The following SBK1 variants were observed in gnomAD, a reference collection of about 807,000 sequenced individuals.
The protein encoded by SBK1 is SH3 domain binding kinase 1.
A neutral mutation model predicts 24.4 loss-of-function variants in SBK1; 11 were observed. The observed-to-expected ratio is 0.45, with a 90% confidence interval of 0.28 to 0.75. SBK1 has a LOEUF of 0.75. Among genes scored for constraint, SBK1 ranks in the 30% least tolerant of loss-of-function variants. The pLI is 0.12. For missense variants in SBK1, 467 were observed against 620.5 expected, an observed-to-expected ratio of 0.75 and a Z score of 2.63; for synonymous variants, 308 against 284.4, an observed-to-expected ratio of 1.08 and a Z score of -0.83.
At chr16:28,260,461 C>T (rs1045155451) in intron 1 of SBK1, among the ~76,000 whole-genome samples, 1 of 152,238 alleles carries the variant, frequency 6.6e-6, no homozygotes, top group South Asian at 2.1e-4. Context: ...GTCAGCACTA[C>T]CCTGCCCTGG....
Position 28,320,543 on chromosome 16 carries a change from G to T in SBK1, c.897G>T (p.Glu299Asp), listed in dbSNP as rs774808016. 5 of 1,558,230 alleles carry T rather than the reference G, an allele frequency of 3.2e-6. No homozygotes were observed. Among genetic ancestry groups the T allele is most frequent in the East Asian group, 4.8e-5 (2 of 41,436 alleles). The change falls in exon 4 of 4, where the codon GAG (glutamate) becomes GAT (aspartate). Residue 299 changes from glutamate to aspartate, a missense_variant. Coordinates refer to ENST00000341901, the MANE Select transcript of SBK1 (RefSeq NM_001024401.3). This position sits in a 1 kb window ranked among gnomAD's most constrained non-coding sequence, Gnocchi z 8.5. ...TGTTCCAGCGCTTACTGGCCCTGGA[G>T]CCCGAGCGCCGCGGCCCAGCCAAGG... Reference protein sequence around the residue: ...LRMFQRLLALEPERRGPAKEV... With the variant: ...LRMFQRLLALDPERRGPAKEV...
chr16:28,291,531 AAG>A (rs1446834136), upstream of SBK1: 3 of 150,910 alleles, frequency 2.0e-5, no homozygotes, highest in Non-Finnish European at 4.4e-5. Context: ...AAGAATGAAA[AAG>A]AAATGCTTTT....
Position 28,292,530 on chromosome 16 carries a change from C to A in SBK1, c.-778C>A, listed in dbSNP as rs1482574379. On this transcript the variant is annotated 5_prime_UTR_variant, in exon 1 of 4. Coordinates refer to ENST00000341901, the MANE Select transcript of SBK1 (RefSeq NM_001024401.3). Reference sequence around the variant, plus strand: ...TGGCTGGAGGGCGGAGCCGCGATGCCGCGATGGAGCGCAGCCCGGGCGGGC... The same window carrying A: ...TGGCTGGAGGGCGGAGCCGCGATGCAGCGATGGAGCGCAGCCCGGGCGGGC... The A allele has an allele frequency of 2.0e-5, 20 of 978,168 alleles. No homozygotes were observed. The East Asian group carries it at 3.5e-4, about 17-fold the overall frequency. The allele number at this position is 978,168 out of a possible 1,614,324, so 60.6% of individuals were successfully genotyped here.
In SBK1 at chr16:28,297,398, TGGGCCAG is replaced by T. The variant is rs1317808524; in HGVS notation, c.-8+4106_-8+4112del. ...AAACTGATGGGCATTGTGGAGTAGC[TGGGCCAG>T]GGGCCAGCAGCAGGCCCCTGTCACT... On this transcript the variant is annotated intron_variant, in intron 1 of 3. Transcript: ENST00000341901. Among the ~76,000 whole-genome samples, 4 of 152,336 alleles carry T rather than the reference TGGGCCAG, an allele frequency of 2.6e-5. No individual in the cohort carries two copies. The East Asian group carries it at 7.7e-4, about 29-fold the overall frequency.
In SBK1 at chr16:28,292,620, G is replaced by A; in HGVS notation, c.-688G>A. 2.0e-6 allele frequency: 2 copies of A among 982,582 alleles called. No individual in the cohort carries two copies. The highest frequency in any genetic ancestry group is 3.5e-5 in the African/African-American group (2 of 56,956). 60.9% of individuals were successfully genotyped at this position (982,582 alleles called of 1,614,324 possible). The stretch of plus-strand genomic sequence containing the variant: ...GGAGCCGCAGCCGGAGCCCGGGCCA[G>A]GCCGGGGGCCGGGAGCGCAGGGCCG... On this transcript the variant is annotated 5_prime_UTR_variant, in exon 1 of 4. Transcript: ENST00000341901.
intron 1 of SBK1, among the ~76,000 whole-genome samples, chr16:28,307,906 G>A (rs1215138999): frequency 6.6e-6 from 1 of 152,152 alleles, no homozygotes; most frequent in Non-Finnish European, 1.5e-5. Context: ...TCATCTAATA[G>A]ATTTAATCCA....
intron 1 of SBK1, among the ~76,000 whole-genome samples, chr16:28,313,885 G>A (rs1366824656): frequency 6.6e-6 from 1 of 152,126 alleles, no homozygotes; most frequent in Non-Finnish European, 1.5e-5. Flanking sequence ...GGGCCTGGAA[G>A]GGAGCCGCTG....
At chr16:28,265,309 C>T (rs2044421500) in intron 1 of SBK1, among the ~76,000 whole-genome samples, 1 of 151,972 alleles carries the variant, frequency 6.6e-6, no homozygotes, top group African/African-American at 2.4e-5. Flanking sequence ...GTTCCAGCTA[C>T]TCAGGAGGTT....
chr16:28,312,641 C>A (rs1378284809), intron 1 of SBK1, among the ~76,000 whole-genome samples: 26 of 152,128 alleles, frequency 1.7e-4, no homozygotes, highest in Admixed American at 1.7e-3. Flanking sequence ...GGCCAGGGCA[C>A]ATGTTTAGGT....
At chr16:28,299,871 C>G (rs1165303998) in intron 1 of SBK1, among the ~76,000 whole-genome samples, 3 of 152,228 alleles carry the variant, frequency 2.0e-5, no homozygotes, top group Non-Finnish European at 4.4e-5. Context: ...CTCACCTCTG[C>G]TCTCATCTCC....
chr16:28,318,642 C>A (rs1216134528), intron 2 of SBK1, among the ~76,000 whole-genome samples: 1 of 152,182 alleles, frequency 6.6e-6, no homozygotes, highest in Non-Finnish European at 1.5e-5. Context: ...ATTCATTCAT[C>A]CATTTAGCAA....
chr16:28,322,332 C>CA lies in SBK1; in HGVS notation c.*1412dup, dbSNP rs557995622. 2.7e-4 allele frequency: 41 copies of CA among 152,782 alleles called. No homozygotes were observed. Among genetic ancestry groups the CA allele is most frequent in the African/African-American group, 9.6e-4 (40 of 41,556 alleles). The allele number at this position is 152,782 out of a possible 1,614,324, so 9.5% of individuals were successfully genotyped here. A position where few individuals can be genotyped will look rare whatever the true frequency, so the allele number is the denominator to read the frequency against. The stretch of plus-strand genomic sequence containing the variant: ...CCCCCAGGTAGCAAAACAGAGACAA[C>CA]AGCAGCCCCGCCTGACCCCCTGCCC... On this transcript the variant is annotated 3_prime_UTR_variant, in exon 4 of 4. Transcript: ENST00000341901.
At chr16:28,293,523 C>T (rs1226057106) in intron 1 of SBK1, among the ~76,000 whole-genome samples, 2 of 152,250 alleles carry the variant, frequency 1.3e-5, no homozygotes, top group African/African-American at 2.4e-5. Flanking sequence ...GGCGCAGCTC[C>T]CCGGCCCCAC....
At chr16:28,280,203 GTA>G (rs1441907259) in intron 1 of SBK1, among the ~76,000 whole-genome samples, 1 of 109,158 alleles carries the variant, frequency 9.2e-6, no homozygotes, top group Non-Finnish European at 1.9e-5. Context: ...GTACATATAT[GTA>G]TATATACGTA....
chr16:28,313,752 G>C (rs1464596442), intron 1 of SBK1, among the ~76,000 whole-genome samples: 1 of 152,036 alleles, frequency 6.6e-6, no homozygotes, highest in Non-Finnish European at 1.5e-5. Context: ...TGCAGATGGA[G>C]CTCCGTTTGG....
intron 1 of SBK1, among the ~76,000 whole-genome samples, chr16:28,280,724 G>A (rs895140327): frequency 2.0e-5 from 3 of 152,048 alleles, no homozygotes; most frequent in Non-Finnish European, 4.4e-5. Flanking sequence ...GAGTGCAGTG[G>A]CATAATCTTG....
rs889297139 is a variant in SBK1, at chr16:28,323,571, GA to G, written c.*2652del. 2 of 152,700 alleles carry G rather than the reference GA, an allele frequency of 1.3e-5. No individual in the cohort carries two copies. The highest frequency in any genetic ancestry group is 4.8e-5 in the African/African-American group (2 of 41,462). The allele number at this position is 152,700 out of a possible 1,614,324, so 9.5% of individuals were successfully genotyped here. On this transcript the variant is annotated 3_prime_UTR_variant, in exon 4 of 4. Coordinates refer to ENST00000341901, the MANE Select transcript of SBK1 (RefSeq NM_001024401.3). ...GGGTCTCCACCAGGCCCACTGAACA[GA>G]ACCCCACGGCTGCCAGAATGTTCCC...
chr16:28,315,043 C>A (rs777165154), intron 1 of SBK1, among the ~76,000 whole-genome samples: 1 of 152,122 alleles, frequency 6.6e-6, no homozygotes, highest in African/African-American at 2.4e-5. Flanking sequence ...CACCCGGAAG[C>A]AGTGCTCAGG....
In SBK1 at chr16:28,317,635, G is replaced by A; in HGVS notation, c.226+18G>A. On this transcript the variant is annotated intron_variant, in intron 2 of 3. Coordinates refer to ENST00000341901, the MANE Select transcript of SBK1 (RefSeq NM_001024401.3). The surrounding 1 kb of genome is among the most constrained non-coding windows in gnomAD (Gnocchi z 4.2). ...GGGCACAGGTGAACAAGTGCAGGGT[G>A]GCAGGGCTGAGAGGTTGGGGTGGGG... 6.4e-7 allele frequency: 1 copy of A among 1,569,312 alleles called. No homozygotes were observed. The highest frequency in any genetic ancestry group is 1.7e-5 in the Admixed American group (1 of 59,900).
Sources: allele counts gnomAD v4.1 joint callset (sites outside exome capture counted in the v4.1 genomes callset), GRCh38; gene constraint gnomAD v4.1.1; non-coding constraint Gnocchi (gnomAD v3.1); transcripts MANE v1.5; gene names NCBI Gene and HGNC (gene_info 2026-07-23, HGNC 2026-07-21).